Variants in CNTNAP2 observed in about 807,000 individuals in gnomAD.
CNTNAP2 encodes the protein contactin-associated protein-like 2.
Under a neutral mutation model 155.2 loss-of-function variants are expected in CNTNAP2, and 98 were observed. That is an observed-to-expected ratio of 0.63 (90% confidence interval 0.54 to 0.75). The LOEUF is 0.75. Among genes scored for constraint, CNTNAP2 ranks in the 30% least tolerant of loss-of-function variants. The pLI, the probability that CNTNAP2 is intolerant of heterozygous loss-of-function variation, is 0.00. For missense variants in CNTNAP2, 1,727 were observed against 1,688.1 expected (o/e 1.02, Z -0.40); for synonymous variants, 651 against 631.2 (o/e 1.03, Z -0.47).
chr7:147,373,999 A>G (rs1173744676), intron 9 of CNTNAP2, among the ~76,000 whole-genome samples: 3 of 152,060 alleles, frequency 2.0e-5, no homozygotes, highest in East Asian at 3.9e-4. Context: ...CCTTTGTTTT[A>G]TGTGTCTTCC....
intron 13 of CNTNAP2, among the ~76,000 whole-genome samples, chr7:147,781,570 G>C (rs1797662081): frequency 6.6e-6 from 1 of 152,144 alleles, no homozygotes; most frequent in African/African-American, 2.4e-5. Flanking sequence ...AGAATCTCCA[G>C]TTCTATACTT....
chr7:148,145,545 C>T (rs912991552), intron 16 of CNTNAP2, among the ~76,000 whole-genome samples: 1 of 152,146 alleles, frequency 6.6e-6, no homozygotes, highest in African/African-American at 2.4e-5. Context: ...CAGTTGATGC[C>T]TTTAAAATGA....
chr7:148,249,898 G>C (rs191447072), intron 20 of CNTNAP2, among the ~76,000 whole-genome samples: 1 of 152,172 alleles, frequency 6.6e-6, no homozygotes, highest in Non-Finnish European at 1.5e-5. Flanking sequence ...CTCCTGACGG[G>C]TCTCCAAGCT....
Position 147,182,257 on chromosome 7 carries a change from GC to G in CNTNAP2, c.1348+49751del, listed in dbSNP as rs150758696. 3.4e-3 allele frequency among the ~76,000 whole-genome samples: 516 copies of G among 151,920 alleles called. 7 individuals carry two copies. The highest frequency in any genetic ancestry group is 0.027 in the Middle Eastern group (8 of 292). On this transcript the variant is annotated intron_variant, in intron 8 of 23. Transcript: ENST00000361727. The stretch of plus-strand genomic sequence containing the variant: ...AGCTTTGCACAGCTGTGATAGTACA[GC>G]CCATTAATTATTAATAAGAAAATAA...
At chr7:147,178,842 AGTAGTTATT>A (rs1239843832) in intron 8 of CNTNAP2, among the ~76,000 whole-genome samples, 370 of 152,306 alleles carry the variant, frequency 2.4e-3, no homozygotes, top group African/African-American at 8.5e-3. Context: ...TGATTAAGGC[AGTAGTTATT>A]ATTTTTAAAT....
chr7:147,584,153 T>TA (rs1382934593), intron 12 of CNTNAP2, among the ~76,000 whole-genome samples: 1 of 152,220 alleles, frequency 6.6e-6, no homozygotes, highest in African/African-American at 2.4e-5. Flanking sequence ...TCATGTCACT[T>TA]ATGTTTTCCT....
chr7:148,293,917 C>T (rs760514183), intron 21 of CNTNAP2, among the ~76,000 whole-genome samples: 3 of 151,798 alleles, frequency 2.0e-5, no homozygotes, highest in South Asian at 2.1e-4. Flanking sequence ...TTACTATAAT[C>T]GCAGCTACTC....
chr7:146,156,897 C>G (rs944057492), intron 1 of CNTNAP2, among the ~76,000 whole-genome samples: 4 of 152,164 alleles, frequency 2.6e-5, no homozygotes, highest in Admixed American at 2.6e-4. Flanking sequence ...CCACTGCGCC[C>G]AGCTGCTTTA....
At chr7:146,984,234 G>T (rs1371116856) in intron 3 of CNTNAP2, among the ~76,000 whole-genome samples, 1 of 151,806 alleles carries the variant, frequency 6.6e-6, no homozygotes, top group Non-Finnish European at 1.5e-5. Context: ...GGGTGTGGTG[G>T]GACACGCCTG....
chr7:146,366,789 CT>C (rs35333238), intron 1 of CNTNAP2, among the ~76,000 whole-genome samples: 1 of 152,054 alleles, frequency 6.6e-6, no homozygotes, highest in African/African-American at 2.4e-5. Context: ...AAGATACACC[CT>C]TTTTTTCTGA....
At chr7:147,616,590 A>G (rs546555834) in intron 12 of CNTNAP2, among the ~76,000 whole-genome samples, 3 of 152,172 alleles carry the variant, frequency 2.0e-5, no homozygotes, top group South Asian at 2.1e-4. Flanking sequence ...ATTGATCTTC[A>G]TATCATTCCG....
At chr7:147,345,966 G>T (rs575743484) in intron 9 of CNTNAP2, among the ~76,000 whole-genome samples, 1 of 151,898 alleles carries the variant, frequency 6.6e-6, no homozygotes, top group African/African-American at 2.4e-5. Context: ...TTAATAGGCC[G>T]CAAACAGTTA....
chr7:147,035,019 C>T (rs1799123717), intron 3 of CNTNAP2, among the ~76,000 whole-genome samples: 1 of 152,220 alleles, frequency 6.6e-6, no homozygotes, highest in South Asian at 2.1e-4. Context: ...CTATCCAGCA[C>T]TTCTCTGCCC....
intron 1 of CNTNAP2, among the ~76,000 whole-genome samples, chr7:146,745,321 G>A (rs1563213786): frequency 1.3e-5 from 2 of 152,084 alleles, no homozygotes; most frequent in Admixed American, 6.5e-5. Flanking sequence ...TGATCCTCAC[G>A]ATAACCCTAT....
chr7:146,860,052 T>C (rs1189453469), intron 3 of CNTNAP2, among the ~76,000 whole-genome samples: 1 of 152,092 alleles, frequency 6.6e-6, no homozygotes, highest in Non-Finnish European at 1.5e-5. Flanking sequence ...TTAAATAGAG[T>C]GGTAAAAACA....
At chr7:147,389,808 A>AT (rs1016759988) in intron 9 of CNTNAP2, among the ~76,000 whole-genome samples, 3 of 152,342 alleles carry the variant, frequency 2.0e-5, no homozygotes, top group South Asian at 2.1e-4. Context: ...TAGACATTGT[A>AT]TTTTTTATTC....
At chr7:147,080,143 T>C (rs1800092869) in intron 4 of CNTNAP2, among the ~76,000 whole-genome samples, 1 of 152,154 alleles carries the variant, frequency 6.6e-6, no homozygotes, top group South Asian at 2.1e-4. Flanking sequence ...TGCTCCCTGT[T>C]CTCTTTTTGT....
chr7:147,863,710 T>C (rs546812150), intron 13 of CNTNAP2, among the ~76,000 whole-genome samples: 11 of 152,334 alleles, frequency 7.2e-5, no homozygotes, highest in African/African-American at 2.6e-4. Context: ...ATGTGTCTGT[T>C]GGCTGCAGAA....
intron 5 of CNTNAP2, among the ~76,000 whole-genome samples, chr7:147,108,840 C>G (rs1283862636): frequency 6.6e-6 from 1 of 151,924 alleles, no homozygotes; most frequent in East Asian, 1.9e-4. Context: ...AAGATGAGAT[C>G]AGAGTGATGA....
Sources: gnomAD v4.1 joint callset for allele counts (sites outside exome capture counted in the v4.1 genomes callset) on GRCh38, gnomAD v4.1.1 for gene constraint, MANE v1.5 for transcripts, NCBI Gene and HGNC (gene_info 2026-07-23, HGNC 2026-07-21) for gene names.